Variants in RAD51B observed in about 807,000 individuals in gnomAD.
RAD51B encodes the protein RAD51 paralog B.
Under a neutral mutation model 42.2 loss-of-function variants are expected in RAD51B, and 38 were observed. The observed-to-expected ratio is 0.90, with a 90% CI of 0.70 to 1.18. The LOEUF (loss-of-function observed/expected upper bound fraction) is 1.18. Among genes scored for constraint, RAD51B ranks in the 50% most tolerant of loss-of-function variants. The pLI, the probability that RAD51B is intolerant of heterozygous loss-of-function variation, is 0.00. For missense variants in RAD51B, 373 were observed against 400.7 expected, an observed-to-expected ratio of 0.93 and a Z score of 0.59; for synonymous variants, 154 against 145.2, an observed-to-expected ratio of 1.06 and a Z score of -0.43.
intron 7 of RAD51B, among the ~76,000 whole-genome samples, chr14:68,191,532 C>A (rs1286124716): frequency 6.6e-6 from 1 of 152,118 alleles, no homozygotes; most frequent in Non-Finnish European, 1.5e-5. Flanking sequence ...GGTCCTGAAC[C>A]CATCTGAGAC....
intron 7 of RAD51B, among the ~76,000 whole-genome samples, chr14:67,995,223 T>A (rs2075360211): frequency 6.6e-6 from 1 of 151,848 alleles, no homozygotes; most frequent in Non-Finnish European, 1.5e-5. Flanking sequence ...CCATCTCTAT[T>A]AAAAATATAA....
chr14:68,596,020 T>C (rs866259897), downstream of RAD51B: 4 of 1,047,246 alleles, frequency 3.8e-6, no homozygotes, highest in South Asian at 1.4e-4. Flanking sequence ...AAAAATACAT[T>C]AAGAAAAAAA....
At chr14:67,954,588 A>G (rs1595161100) in intron 7 of RAD51B, among the ~76,000 whole-genome samples, 1 of 152,278 alleles carries the variant, frequency 6.6e-6, no homozygotes, top group East Asian at 1.9e-4. Context: ...AGATAGTTTT[A>G]ATACTATGAT....
intron 7 of RAD51B, among the ~76,000 whole-genome samples, chr14:68,066,120 A>G (rs948533495): frequency 2.0e-5 from 3 of 152,080 alleles, no homozygotes; most frequent in Admixed American, 1.3e-4. Context: ...ATATTATTTT[A>G]TATTTATACA....
intron 10 of RAD51B, among the ~76,000 whole-genome samples, chr14:68,502,636 G>A (rs551485790): frequency 2.0e-5 from 3 of 152,316 alleles, no homozygotes; most frequent in Admixed American, 6.5e-5. Context: ...CTTCCAAGGC[G>A]CACTTCTAAA....
intron 11 of RAD51B, among the ~76,000 whole-genome samples, chr14:68,663,666 G>C (rs888921029): frequency 6.6e-6 from 1 of 152,220 alleles, no homozygotes; most frequent in African/African-American, 2.4e-5. Flanking sequence ...CTCATATTTT[G>C]AGTCATTGCC....
chr14:67,893,467 G>GACACACACACAC (rs756541648), intron 7 of RAD51B, among the ~76,000 whole-genome samples: 2 of 111,292 alleles, frequency 1.8e-5, no homozygotes, highest in African/African-American at 8.1e-5. Flanking sequence ...CACAGACACA[G>GACACACACACAC]ACACACACAC....
At chr14:68,403,305 G>GT (rs2084169028) in intron 8 of RAD51B, among the ~76,000 whole-genome samples, 1 of 135,372 alleles carries the variant, frequency 7.4e-6, no homozygotes, top group African/African-American at 2.5e-5. Context: ...TCATTGCTTT[G>GT]TTTTTTTGAC....
intron 7 of RAD51B, among the ~76,000 whole-genome samples, chr14:68,032,127 A>G (rs931768735): frequency 1.4e-4 from 22 of 152,202 alleles, no homozygotes; most frequent in African/African-American, 5.3e-4. Flanking sequence ...TGTGTTGAAG[A>G]TAATAATACC....
At chr14:68,633,478 C>A (rs555513865) in intron 10 of RAD51B, among the ~76,000 whole-genome samples, 15 of 152,302 alleles carry the variant, frequency 9.8e-5, no homozygotes, top group African/African-American at 3.6e-4. Flanking sequence ...GCAGCCCACC[C>A]CTGGAGAGGA....
At chr14:67,946,814 C>T (rs1484703597) in intron 7 of RAD51B, among the ~76,000 whole-genome samples, 1 of 152,196 alleles carries the variant, frequency 6.6e-6, no homozygotes, top group Non-Finnish European at 1.5e-5. Flanking sequence ...TATCTTCTGC[C>T]ATATTCTAAG....
intron 7 of RAD51B, among the ~76,000 whole-genome samples, chr14:67,980,919 A>G (rs1050597380): frequency 6.6e-6 from 1 of 152,206 alleles, no homozygotes; most frequent in Non-Finnish European, 1.5e-5. Flanking sequence ...TCTGCTCTTG[A>G]AAAGAGAATG....
intron 7 of RAD51B, among the ~76,000 whole-genome samples, chr14:68,188,898 T>C (rs1410471098): frequency 6.6e-6 from 1 of 152,142 alleles, no homozygotes; most frequent in East Asian, 1.9e-4. Flanking sequence ...TCGACTTTTC[T>C]TCCACTAGGA....
chr14:68,442,467 A>T (rs2085323138), intron 9 of RAD51B, among the ~76,000 whole-genome samples: 1 of 106,190 alleles, frequency 9.4e-6, no homozygotes. Flanking sequence ...TTTTAGCTAG[A>T]GTCTCGCTCT....
At chr14:68,519,867 C>A (rs1411568218) in intron 10 of RAD51B, among the ~76,000 whole-genome samples, 2 of 152,116 alleles carry the variant, frequency 1.3e-5, no homozygotes, top group Non-Finnish European at 2.9e-5. Context: ...GACTTCATCC[C>A]ACTGAGCTGG....
At chr14:68,039,696 G>A (rs2076188703) in intron 7 of RAD51B, among the ~76,000 whole-genome samples, 1 of 152,174 alleles carries the variant, frequency 6.6e-6, no homozygotes, top group Non-Finnish European at 1.5e-5. Flanking sequence ...TCAGACATTA[G>A]ATGCTACATA....
chr14:68,032,897 A>ATC (rs111424247), intron 7 of RAD51B, among the ~76,000 whole-genome samples: 42,317 of 151,830 alleles, frequency 0.28, 7,800 homozygotes, highest in African/African-American at 0.53. Flanking sequence ...TTTCATTCAG[A>ATC]TCTCTTATTT....
intron 8 of RAD51B, among the ~76,000 whole-genome samples, chr14:68,301,918 A>G (rs559113868): frequency 3.9e-5 from 6 of 152,202 alleles, no homozygotes; most frequent in Non-Finnish European, 5.9e-5. Flanking sequence ...TCTTGTGGGC[A>G]GGAATTTTTG....
intron 10 of RAD51B, among the ~76,000 whole-genome samples, chr14:68,640,635 T>A (rs1196631009): frequency 1.3e-5 from 2 of 152,176 alleles, no homozygotes; most frequent in Non-Finnish European, 2.9e-5. Flanking sequence ...GATAGTAGTA[T>A]TTTTAGAAGA....
Sources: gnomAD v4.1 joint callset for allele counts (sites outside exome capture counted in the v4.1 genomes callset) on GRCh38, gnomAD v4.1.1 for gene constraint, MANE v1.5 for transcripts, NCBI Gene and HGNC (gene_info 2026-07-23, HGNC 2026-07-21) for gene names.